C5: variants seen among roughly 807,000 people sequenced by gnomAD.
C5 encodes complement C5.
C5 carries 140 observed loss-of-function variants against 218.8 expected under a neutral mutation model. That is an observed-to-expected ratio of 0.64 (90% CI 0.56 to 0.74). C5 has a LOEUF of 0.74. C5 is among the 30% of genes least tolerant of loss of function. The pLI is 0.00. For synonymous variants in C5, 614 were observed against 682.3 expected (o/e 0.90, Z 1.56); for missense variants, 1,700 against 1,969.6 (o/e 0.86, Z 2.59).
chr9:120,953,648 A>G, intron 40 of C5, 82 bp downstream of exon 40: 2 of 1,370,142 alleles, frequency 1.5e-6, no homozygotes, highest in East Asian at 4.6e-5. Flanking sequence ...GCAGGGCCAT[A>G]AGAAACACGT....
chr9:120,969,851 T>A (rs976047535), intron 32 of C5, among the ~76,000 whole-genome samples: 4 of 152,216 alleles, frequency 2.6e-5, no homozygotes, highest in Admixed American at 2.0e-4. Flanking sequence ...CAGAAATTCC[T>A]GGTTCTGGAA....
At position 120,974,897 on chromosome 9, in the gene C5, T is replaced by C; in HGVS notation, c.3899A>G (p.Tyr1300Cys). 1.9e-6 allele frequency: 3 copies of C among 1,614,190 alleles called. No individual in the cohort carries two copies. The highest frequency in any genetic ancestry group is 2.5e-6 in the Non-Finnish European group (3 of 1,180,012). Residue 1300 changes from tyrosine to cysteine, a missense_variant, in exon 30 of 41, where the codon TAT (tyrosine) becomes TGT (cysteine). Transcript: ENST00000223642. ...GCGGAGTTGTTTAACCAGGAGTGAA[T>C]ATTCCGTCAGGCCCTCAATGGCATT... Reference protein sequence around the residue: ...TINAIEGLTEYSLLVKQLRLS... With the variant: ...TINAIEGLTECSLLVKQLRLS...
intron 3 of C5, among the ~76,000 whole-genome samples, chr9:121,039,843 G>A (rs747377849): frequency 2.8e-4 from 43 of 151,918 alleles, no homozygotes; most frequent in Non-Finnish European, 4.4e-4. Flanking sequence ...CATCCCGTGT[G>A]AGCCAGGATG....
chr9:121,025,278 C>T (rs909393206), intron 9 of C5, among the ~76,000 whole-genome samples, 176 bp downstream of exon 9: 3 of 152,090 alleles, frequency 2.0e-5, no homozygotes, highest in Non-Finnish European at 4.4e-5. Flanking sequence ...CAGAGCCCTA[C>T]TGCCTTTTTA....
At chr9:120,990,600 C>T (rs1410435873) in intron 23 of C5, among the ~76,000 whole-genome samples, 1 of 152,126 alleles carries the variant, frequency 6.6e-6, no homozygotes, top group African/African-American at 2.4e-5. Flanking sequence ...TTTGCCTTTC[C>T]ACTTTCTGCC....
upstream of C5, among the ~76,000 whole-genome samples, chr9:121,051,582 A>G (rs1321003313): frequency 1.3e-5 from 2 of 152,198 alleles, no homozygotes; most frequent in African/African-American, 2.4e-5. Context: ...CTATAATGAG[A>G]TATTTATGAT....
At chr9:121,010,829 C>T (rs2047255634) in intron 17 of C5, among the ~76,000 whole-genome samples, 1 of 152,086 alleles carries the variant, frequency 6.6e-6, no homozygotes, top group African/African-American at 2.4e-5. Context: ...ATCCACACAC[C>T]TATAGTGAAC....
At chr9:120,968,128 C>T (rs1447364707) in intron 33 of C5, among the ~76,000 whole-genome samples, 1 of 152,126 alleles carries the variant, frequency 6.6e-6, no homozygotes, top group Non-Finnish European at 1.5e-5. Flanking sequence ...GAATATGTTA[C>T]CTTATGTGGC....
At chr9:121,015,888 T>A (rs554337371) in intron 15 of C5, among the ~76,000 whole-genome samples, 1 of 152,322 alleles carries the variant, frequency 6.6e-6, no homozygotes, top group Admixed American at 6.5e-5. Context: ...CGATGATTCT[T>A]ACATTGCTTC....
At chr9:121,060,908 T>C in the C5 span, among the ~76,000 whole-genome samples, 3 of 152,056 alleles carry the variant, frequency 2.0e-5, no homozygotes, top group Admixed American at 6.6e-5. Context: ...CAGAATCAGG[T>C]CGGGCGAAGT....
chr9:121,052,650 A>T (rs2047678439), upstream of C5, among the ~76,000 whole-genome samples: 1 of 151,904 alleles, frequency 6.6e-6, no homozygotes, highest in South Asian at 2.1e-4. Context: ...CAAATGACCT[A>T]GCCTAGTGCA....
Position 120,987,636 on chromosome 9 carries a change from C to CAA in C5, c.3230+1408_3230+1409dup, listed in dbSNP as rs36095132. Among the ~76,000 whole-genome samples, 726 of 110,856 alleles carry CAA rather than the reference C, an allele frequency of 6.5e-3. 21 individuals carry two copies. Among genetic ancestry groups the CAA allele is most frequent in the Middle Eastern group, 0.024 (5 of 210 alleles). 72.7% of individuals were successfully genotyped at this position (110,856 alleles called of 152,430 possible). On this transcript the variant is annotated intron_variant, in intron 25 of 40. Coordinates refer to ENST00000223642, the MANE Select transcript of C5 (RefSeq NM_001735.3). ...CTGGGAACAGAGCAAGACTCCGTCT[C>CAA]AAAAAAAAAAAAAAGAAAAAAGAAA...
chr9:121,066,866 A>AG, the C5 span, among the ~76,000 whole-genome samples: 2 of 150,986 alleles, frequency 1.3e-5, no homozygotes, highest in East Asian at 1.9e-4. Context: ...AAAAAAGAAA[A>AG]AAAAAAAAAA....
At chr9:120,989,909 A>G (rs2047064117) in intron 23 of C5, 129 bp from the exon 24 acceptor site, 2 of 717,192 alleles carry the variant, frequency 2.8e-6, no homozygotes, top group African/African-American at 3.5e-5. Context: ...CTTGCTTCTC[A>G]GAAACGGGGT....
chr9:121,035,038 T>G (rs569898910), intron 4 of C5, 144 bp from the exon 5 acceptor site: 1 of 592,352 alleles, frequency 1.7e-6, no homozygotes, highest in Non-Finnish European at 3.0e-6. Flanking sequence ...ATATGAAGGA[T>G]GAAGATCTGT....
Position 121,034,889 on chromosome 9 carries a change from A to T in C5, c.498T>A (p.Pro166=). The T allele has an allele frequency of 6.4e-7, 1 of 1,567,332 alleles. No homozygotes were observed. ...KRETVLTFID[P]EGSEVDMVEE... is the part of the protein sequence containing the mutation. ...CTACCATGTCAACTTCTGATCCTTC[A>T]GGATCCTGTAAATAAAAACAAACAC... is the stretch of plus-strand genomic sequence containing the variant. Residue 166 remains proline (P), a synonymous_variant, in exon 5 of 41, where the codon CCT becomes CCA. Transcript: ENST00000223642.
intron 17 of C5, among the ~76,000 whole-genome samples, chr9:121,010,831 A>C (rs952632350): frequency 3.3e-5 from 5 of 152,182 alleles, no homozygotes; most frequent in Non-Finnish European, 2.9e-5. Flanking sequence ...CCACACACCT[A>C]TAGTGAACGC....
chr9:121,025,884 C>T (rs998049630), intron 8 of C5: 18 of 281,474 alleles, frequency 6.4e-5, no homozygotes, highest in Non-Finnish European at 1.0e-4. Flanking sequence ...ATAGGCCTCT[C>T]AGCGTACTTC....
At chr9:120,968,436 T>G (rs2046885404) in intron 33 of C5, among the ~76,000 whole-genome samples, 1 of 152,230 alleles carries the variant, frequency 6.6e-6, no homozygotes, top group African/African-American at 2.4e-5. Flanking sequence ...ATTTTGGGAC[T>G]TCTCACCTCT....
Sources: allele counts gnomAD v4.1 joint callset (sites outside exome capture counted in the v4.1 genomes callset), GRCh38; gene constraint gnomAD v4.1.1; transcripts MANE v1.5; gene names NCBI Gene and HGNC (gene_info 2026-07-23, HGNC 2026-07-21).